Variants in SLC39A11 observed in about 807,000 individuals in gnomAD.
SLC39A11 encodes the protein solute carrier family 39 member 11.
A neutral mutation model predicts 36.1 loss-of-function variants in SLC39A11; 33 were observed. The observed-to-expected ratio is 0.91, with a 90% CI of 0.69 to 1.22. The LOEUF (loss-of-function observed/expected upper bound fraction) is 1.22. SLC39A11 is among the 50% of genes most tolerant of loss of function. The pLI, the probability that SLC39A11 is intolerant of heterozygous loss-of-function variation, is 0.00. For synonymous variants in SLC39A11, 166 were observed against 170.3 expected (o/e 0.97, Z 0.20); for missense variants, 432 against 430.3 (o/e 1.00, Z -0.03).
Position 72,749,295 on chromosome 17 carries a change from GCA to G in SLC39A11, c.602-12578_602-12577del, listed in dbSNP as rs2075060580. On this transcript the variant is annotated intron_variant, in intron 6 of 9. Transcript: ENST00000255559. ...GTGTAGAAAAGCTTGCAACCCGGTA[GCA>G]AAGTTCCTTGACTCTGAAGTCAGAG... Among the ~76,000 whole-genome samples, 10 of 152,310 alleles carry G rather than the reference GCA, an allele frequency of 6.6e-5. No individual in the cohort carries two copies. In the South Asian group the frequency reaches 2.1e-3, roughly 32 times the overall value.
intron 6 of SLC39A11, among the ~76,000 whole-genome samples, chr17:72,808,544 G>A (rs1187346271): frequency 1.3e-5 from 2 of 152,150 alleles, no homozygotes; most frequent in Non-Finnish European, 2.9e-5. Context: ...CTAAAATGTA[G>A]GTATAGCTAA....
At chr17:73,050,462 CTTT>C (rs558193911) in intron 3 of SLC39A11, among the ~76,000 whole-genome samples, 1 of 124,310 alleles carries the variant, frequency 8.0e-6, no homozygotes. Flanking sequence ...TGTGAACTGA[CTTT>C]TTTTTTTTTT....
chr17:72,681,804 A>AT (rs568017848), intron 7 of SLC39A11, among the ~76,000 whole-genome samples: 1 of 151,860 alleles, frequency 6.6e-6, no homozygotes, highest in South Asian at 2.1e-4. Flanking sequence ...TAGTAAATAT[A>AT]TTTTCTCTTC....
chr17:72,922,825 A>T (rs369260334), intron 5 of SLC39A11, among the ~76,000 whole-genome samples: 7 of 151,848 alleles, frequency 4.6e-5, no homozygotes, highest in African/African-American at 1.7e-4. Flanking sequence ...AAAATTATCC[A>T]GGTGTGGTGG....
intron 6 of SLC39A11, among the ~76,000 whole-genome samples, chr17:72,751,877 C>G (rs573216604): frequency 6.6e-6 from 1 of 152,100 alleles, no homozygotes; most frequent in Non-Finnish European, 1.5e-5. Context: ...GCACCCGGCT[C>G]CAGAGCTCTT....
rs541864040 is a variant in SLC39A11 at position 72,971,176 on chromosome 17, A to G, written c.307-23301T>C. On this transcript the variant is annotated intron_variant, in intron 4 of 9. Transcript: ENST00000255559. ...AAATGCAAATAACCACTCATTTACT[A>G]TGACCATCTCTGATGATAGATTTGG... 1.3e-3 allele frequency among the ~76,000 whole-genome samples: 197 copies of G among 152,316 alleles called. 1 individual carries two copies. The highest frequency in any genetic ancestry group is 4.6e-3 in the African/African-American group (191 of 41,566).
chr17:72,657,146 G>C (rs1228413257), intron 7 of SLC39A11, among the ~76,000 whole-genome samples: 1 of 152,160 alleles, frequency 6.6e-6, no homozygotes. Context: ...CAGATCATGA[G>C]GTCAGGAGTT....
intron 7 of SLC39A11, among the ~76,000 whole-genome samples, chr17:72,684,604 C>T (rs548708233): frequency 6.6e-6 from 1 of 152,274 alleles, no homozygotes; most frequent in African/African-American, 2.4e-5. Flanking sequence ...TAACACTGTC[C>T]CCAAACTCTA....
At chr17:73,048,798 T>C (rs571358369) in intron 3 of SLC39A11, among the ~76,000 whole-genome samples, 48 of 152,322 alleles carry the variant, frequency 3.2e-4, no homozygotes, top group African/African-American at 1.0e-3. Flanking sequence ...GTCTCTATTC[T>C]TACTATTATT....
In SLC39A11 at chr17:72,936,084, G is replaced by C. The variant is rs1337107819; in HGVS notation, c.430+11668C>G. On this transcript the variant is annotated intron_variant, in intron 5 of 9. Transcript: ENST00000255559. ...GTGGTGGTATTCGCCTGTAATCCCAGCTACATAGGAAACTGAGGCACGGAA... is the reference window on the plus strand; with the variant it reads ...GTGGTGGTATTCGCCTGTAATCCCACCTACATAGGAAACTGAGGCACGGAA... Among the ~76,000 whole-genome samples the C allele has an allele frequency of 3.3e-5, 5 of 152,182 alleles. No individual in the cohort carries two copies. In the East Asian group the frequency reaches 9.8e-4, roughly 30 times the overall value.
chr17:73,078,930 T>C (rs79406131), intron 3 of SLC39A11, among the ~76,000 whole-genome samples: 2,938 of 138,308 alleles, frequency 0.021, 42 homozygotes, highest in Non-Finnish European at 0.037. Flanking sequence ...TTTGTTTGCA[T>C]GTTACATTTT....
At chr17:73,081,676 T>TGTATATATGTATGTATATAA (rs1444509420) in intron 3 of SLC39A11, among the ~76,000 whole-genome samples, 1 of 147,630 alleles carries the variant, frequency 6.8e-6, no homozygotes, top group Non-Finnish European at 1.5e-5. Context: ...CACACATATA[T>TGTATATATGTATGTATATAA]ATACACATAT....
At chr17:73,052,588 A>T (rs1266720927) in intron 3 of SLC39A11, among the ~76,000 whole-genome samples, 1 of 152,214 alleles carries the variant, frequency 6.6e-6, no homozygotes, top group African/African-American at 2.4e-5. Context: ...ACCAGAACTC[A>T]GGGACACTGG....
intron 6 of SLC39A11, among the ~76,000 whole-genome samples, chr17:72,811,225 A>C (rs951271331): frequency 6.6e-6 from 1 of 152,240 alleles, no homozygotes; most frequent in South Asian, 2.1e-4. Flanking sequence ...TGAGTGTCAG[A>C]CTGCCAACTT....
chr17:72,934,483 T>G (rs570119480), intron 5 of SLC39A11, among the ~76,000 whole-genome samples: 10 of 152,144 alleles, frequency 6.6e-5, no homozygotes, highest in African/African-American at 2.2e-4. Context: ...CTGACCAATA[T>G]GGTGAAACCC....
chr17:72,721,360 G>T (rs2073671420), intron 7 of SLC39A11, among the ~76,000 whole-genome samples: 1 of 152,198 alleles, frequency 6.6e-6, no homozygotes, highest in Non-Finnish European at 1.5e-5. Context: ...CCCTCCCAAA[G>T]TGTTGGGATT....
chr17:72,979,677 A>C (rs1253529883), intron 4 of SLC39A11, among the ~76,000 whole-genome samples: 3 of 152,172 alleles, frequency 2.0e-5, no homozygotes, highest in Non-Finnish European at 4.4e-5. Context: ...CTGAGCTGCA[A>C]GGAGGCTGCT....
intron 6 of SLC39A11, among the ~76,000 whole-genome samples, chr17:72,748,257 G>A (rs1442170468): frequency 6.6e-6 from 1 of 151,610 alleles, no homozygotes; most frequent in African/African-American, 2.4e-5. Context: ...GGGAGGTGGA[G>A]GTTGCAGTGA....
At chr17:72,863,746 G>A (rs549801467) in intron 5 of SLC39A11, among the ~76,000 whole-genome samples, 11 of 152,200 alleles carry the variant, frequency 7.2e-5, no homozygotes, top group East Asian at 1.9e-4. Context: ...AGATTGCAGC[G>A]TGCCTGCTGC....
Sources: gnomAD v4.1 joint callset for allele counts (sites outside exome capture counted in the v4.1 genomes callset) on GRCh38, gnomAD v4.1.1 for gene constraint, MANE v1.5 for transcripts, NCBI Gene and HGNC (gene_info 2026-07-23, HGNC 2026-07-21) for gene names.